HS6ST2: variants seen among roughly 807,000 people sequenced by gnomAD.
HS6ST2 encodes heparan sulfate 6-O-sulfotransferase 2, also known as heparan-sulfate 6-O-sulfotransferase 2.
HS6ST2 carries 17 observed loss-of-function variants against 33.0 expected under a neutral mutation model. The ratio of observed to expected loss-of-function variants is 0.52; its 90% CI spans 0.35 to 0.77. The LOEUF is 0.77. Among genes scored for constraint, HS6ST2 ranks in the 30% least tolerant of loss-of-function variants. The pLI, the probability that HS6ST2 is intolerant of heterozygous loss-of-function variation, is 0.01. For missense variants in HS6ST2, 519 were observed against 551.7 expected, an observed-to-expected ratio of 0.94 and a Z score of 0.59; for synonymous variants, 248 against 237.1, an observed-to-expected ratio of 1.05 and a Z score of -0.42.
intron 2 of HS6ST2, among the ~76,000 whole-genome samples, chrX:132,824,813 G>A (rs1302420897): frequency 8.9e-6 from 1 of 112,246 alleles, no homozygotes; most frequent in East Asian, 2.8e-4. Context: ...ATATTCAGCA[G>A]GGTCAACATT....
At chrX:132,793,048 C>CTTTTTTTTTT (rs755535720) in intron 2 of HS6ST2, among the ~76,000 whole-genome samples, 4 of 53,241 alleles carry the variant, frequency 7.5e-5, no homozygotes, top group African/African-American at 4.2e-4. Context: ...AAATAAACTC[C>CTTTTTTTTTT]TTTTTTTTTT....
intron 2 of HS6ST2, among the ~76,000 whole-genome samples, chrX:132,952,162 A>G (rs376730080): frequency 1.8e-3 from 207 of 112,271 alleles, no homozygotes; most frequent in African/African-American, 6.4e-3. Context: ...AATTCTGAAT[A>G]GCCTTTTGTA....
rs748772133 is a variant in HS6ST2 at position 132,751,260 on chromosome X, CG to C, written c.948-42767del. Among the ~76,000 whole-genome samples the C allele has an allele frequency of 1.8e-3, 182 of 98,574 alleles. 1 individual carries two copies. Among genetic ancestry groups the C allele is most frequent in the Non-Finnish European group, 3.1e-3 (149 of 48,765 alleles). The allele number at this position is 98,574 out of a possible 115,157, so 85.6% of individuals were successfully genotyped here. On this transcript the variant is annotated intron_variant, in intron 2 of 4. Transcript: ENST00000370833. The stretch of plus-strand genomic sequence containing the variant: ...GTGTGTCTCCTGAGGTGGGGCGGGG[CG>C]GGGGGGCTTATTTCCTGTGGCAACA...
intron 2 of HS6ST2, among the ~76,000 whole-genome samples, chrX:132,807,571 T>C (rs906843831): frequency 8.1e-5 from 9 of 111,248 alleles, no homozygotes; most frequent in Admixed American, 1.9e-4. Context: ...TCTGATGCTC[T>C]TTATCGAGCT....
intron 2 of HS6ST2, among the ~76,000 whole-genome samples, chrX:132,915,007 A>C (rs1415999433): frequency 8.9e-6 from 1 of 112,663 alleles, no homozygotes; most frequent in South Asian, 3.6e-4. Context: ...TTGCAGGTCA[A>C]GAAGCAGCCA....
intron 2 of HS6ST2, among the ~76,000 whole-genome samples, chrX:132,858,873 T>A (rs181646003): frequency 1.8e-5 from 2 of 112,337 alleles, no homozygotes; most frequent in Admixed American, 1.9e-4. Flanking sequence ...AGGTAACTTA[T>A]CTTGGCACCC....
At chrX:132,861,023 C>T (rs997711054) in intron 2 of HS6ST2, among the ~76,000 whole-genome samples, 1 of 110,313 alleles carries the variant, frequency 9.1e-6, no homozygotes, top group Non-Finnish European at 1.9e-5. Context: ...GAACTCCTGA[C>T]CTCAAGTGAT....
At chrX:132,871,689 A>AAACACC (rs2066059502) in intron 2 of HS6ST2, among the ~76,000 whole-genome samples, 1 of 110,078 alleles carries the variant, frequency 9.1e-6, no homozygotes, top group African/African-American at 3.3e-5. Context: ...ACAGAAAACC[A>AAACACC]AACACCACAT....
intron 2 of HS6ST2, among the ~76,000 whole-genome samples, chrX:132,842,286 C>T (rs986681643): frequency 4.5e-5 from 5 of 111,690 alleles, no homozygotes; most frequent in African/African-American, 1.6e-4. Context: ...ATTTTGGTTT[C>T]GTTGCAATTA....
intron 3 of HS6ST2, 105 bp from the exon 4 acceptor site, chrX:132,669,304 C>A (rs1464153433): frequency 1.6e-5 from 8 of 514,604 alleles, no homozygotes; most frequent in East Asian, 1.2e-4. Context: ...CCTGCATATC[C>A]CCCCACCACC....
intron 2 of HS6ST2, among the ~76,000 whole-genome samples, chrX:132,947,662 C>T (rs886091293): frequency 9.0e-6 from 1 of 111,658 alleles, no homozygotes; most frequent in South Asian, 3.7e-4. Context: ...TTATGTTTTA[C>T]CTTTGTCTCT....
chrX:132,703,754 A>G (rs1400005527), intron 3 of HS6ST2, among the ~76,000 whole-genome samples: 1 of 112,476 alleles, frequency 8.9e-6, no homozygotes, highest in Admixed American at 9.4e-5. Flanking sequence ...ATTTAAAGGA[A>G]GTAATCAATT....
At chrX:132,951,488 G>A (rs112168953) in intron 2 of HS6ST2, among the ~76,000 whole-genome samples, 1,266 of 111,119 alleles carry the variant, frequency 0.011, 8 homozygotes, top group South Asian at 0.051. Flanking sequence ...TTTCTGGCCT[G>A]TTCCTCATAC....
intron 2 of HS6ST2, among the ~76,000 whole-genome samples, chrX:132,802,273 T>C (rs2065242245): frequency 8.9e-6 from 1 of 111,935 alleles, no homozygotes; most frequent in Non-Finnish European, 1.9e-5. Flanking sequence ...CACTCACTTA[T>C]GTAATCTGCT....
At chrX:132,700,370 T>C (rs2064135262) in intron 3 of HS6ST2, among the ~76,000 whole-genome samples, 2 of 110,965 alleles carry the variant, frequency 1.8e-5, no homozygotes, top group Admixed American at 9.6e-5. Context: ...GGAAGCTTCA[T>C]GGTAGCACAG....
At chrX:132,653,087 C>G (rs243440) in intron 4 of HS6ST2, among the ~76,000 whole-genome samples, 16,584 of 111,115 alleles carry the variant, frequency 0.15, 919 homozygotes, top group African/African-American at 0.17. Context: ...CGGTCACTGC[C>G]TTCTCTTTAA....
intron 2 of HS6ST2, among the ~76,000 whole-genome samples, chrX:132,920,856 T>C (rs1473606592): frequency 8.9e-6 from 1 of 112,311 alleles, no homozygotes; most frequent in Non-Finnish European, 1.9e-5. Flanking sequence ...CTCTTGGCTC[T>C]TCAGTCCTCA....
Position 132,628,948 on chromosome X carries a change from A to G in HS6ST2, c.1213T>C (p.Tyr405His), listed in dbSNP as rs776171823. 8.3e-7 allele frequency: 1 copy of G among 1,211,330 alleles called. No individual in the cohort carries two copies. The highest frequency in any genetic ancestry group is 1.7e-5 in the African/African-American group (1 of 57,785). ...PPTSEELPSC[Y>H]TGDDWSGCPL... ...CAGCCAGACCAGTCATCGCCAGTGT[A>G]GCAGCTGGGCAGCTCTTCGGAGGTT... The change falls in exon 5 of 5, where the codon TAC (tyrosine) becomes CAC (histidine). Residue 405 changes from tyrosine (Y) to histidine (H), a missense_variant. Tyr to His is a moderately conservative substitution (Grantham distance 83, BLOSUM62 2). Transcript: ENST00000370833.
chrX:132,947,449 T>C (rs921171435), intron 2 of HS6ST2, among the ~76,000 whole-genome samples: 16 of 111,311 alleles, frequency 1.4e-4, no homozygotes, highest in Non-Finnish European at 5.7e-5. Flanking sequence ...TTCAAACTTA[T>C]GGTATTAAGC....
Sources: allele counts gnomAD v4.1 joint callset (sites outside exome capture counted in the v4.1 genomes callset), GRCh38; gene constraint gnomAD v4.1.1; transcripts MANE v1.5; gene names NCBI Gene and HGNC (gene_info 2026-07-23, HGNC 2026-07-21).